TAF1: variants seen among roughly 807,000 people sequenced by gnomAD.
TAF1 encodes the protein TATA-box binding protein associated factor 1, also known as transcription initiation factor TFIID subunit 1.
In TAF1, 2 loss-of-function variants were observed where a neutral mutation model predicts 138.5. The ratio of observed to expected loss-of-function variants is 0.01; its 90% CI spans 0.01 to 0.05. The LOEUF (loss-of-function observed/expected upper bound fraction) is 0.05, where lower values mean the gene tolerates loss of function less well. TAF1 is among the 10% of genes least tolerant of loss of function. TAF1 has a pLI of 1.00. For synonymous variants in TAF1, 437 were observed against 503.2 expected (o/e 0.87, Z 1.76); for missense variants, 709 against 1,478.0 (o/e 0.48, Z 8.53).
chrX:71,368,944 G>A (rs1399817753), intron 3 of TAF1: 1 of 98,658 alleles, frequency 1.0e-5, no homozygotes, highest in Non-Finnish European at 2.0e-5. Flanking sequence ...TCCACCTCCC[G>A]GTTTGAAGCA....
chrX:71,454,343 CGTGTG>C, intron 33 of TAF1, 106 bp downstream of exon 33: 11 of 679,899 alleles, frequency 1.6e-5, no homozygotes, highest in South Asian at 3.0e-5. Context: ...ACAGCTGGGA[CGTGTG>C]GTCCCAGCTA....
intron 32 of TAF1, among the ~76,000 whole-genome samples, chrX:71,451,402 G>A (rs1025539547): frequency 3.2e-4 from 36 of 111,314 alleles, no homozygotes; most frequent in Middle Eastern, 4.8e-3. Context: ...ACTCTTGGCC[G>A]GCTATTTGAT....
intron 13 of TAF1, among the ~76,000 whole-genome samples, chrX:71,485,988 A>G (rs749259005): frequency 1.4e-4 from 15 of 108,868 alleles, no homozygotes; most frequent in African/African-American, 4.7e-4. Flanking sequence ...TTATTTATTT[A>G]TTTTTGAGAC....
At chrX:71,426,293 A>AT (rs1454156930) in intron 32 of TAF1, among the ~76,000 whole-genome samples, 1 of 111,423 alleles carries the variant, frequency 9.0e-6, no homozygotes, top group Non-Finnish European at 1.9e-5. Context: ...CATCCAGAAG[A>AT]GAGTTTTCTT....
intron 13 of TAF1, among the ~76,000 whole-genome samples, chrX:71,499,670 C>A (rs769379276): frequency 2.7e-5 from 3 of 111,491 alleles, no homozygotes; most frequent in Non-Finnish European, 3.8e-5. Flanking sequence ...TGATCTGAGT[C>A]TAGGTCCCAG....
intron 13 of TAF1, among the ~76,000 whole-genome samples, chrX:71,526,044 G>GC: frequency 9.0e-6 from 1 of 110,964 alleles, no homozygotes; most frequent in Non-Finnish European, 1.9e-5. Context: ...CTTTTTTTGT[G>GC]CAAAGTAGGG....
At chrX:71,438,418 C>G (rs770535645) in intron 32 of TAF1, among the ~76,000 whole-genome samples, 1 of 111,706 alleles carries the variant, frequency 9.0e-6, no homozygotes, top group African/African-American at 3.2e-5. Context: ...ACCATGTTTT[C>G]AAGGTTCATC....
At chrX:71,488,774 G>A (rs1018699974) in intron 13 of TAF1, among the ~76,000 whole-genome samples, 4 of 110,494 alleles carry the variant, frequency 3.6e-5, no homozygotes, top group Non-Finnish European at 7.6e-5. Context: ...GCACTCATAC[G>A]ACTCATCTTG....
In TAF1 at chrX:71,460,779, A is replaced by G; in HGVS notation, c.5375A>G (p.His1792Arg). Residue 1792 changes from histidine (H) to arginine (R), a missense_variant, in exon 37 of 38, where the codon CAT becomes CGT. Around this residue, in one of 14 missense-constraint regions of TAF1, gnomAD observed 123 missense variants for 174.7 expected, o/e 0.70. Transcript: ENST00000423759. Reference sequence around the variant, plus strand: ...GAGGGAGACGGTGGGGAGGCTTCCCATGGTTTGGAGGATAGCAACATCAGG... The same window carrying G: ...GAGGGAGACGGTGGGGAGGCTTCCCGTGGTTTGGAGGATAGCAACATCAGG... ...SYEGDGGEASHGLEDSNISYG... is the reference protein window; with the variant it reads ...SYEGDGGEASRGLEDSNISYG... 1 of 1,192,618 alleles carries G rather than the reference A, an allele frequency of 8.4e-7. No homozygotes were observed. The highest frequency in any genetic ancestry group is 1.8e-5 in the South Asian group (1 of 54,413).
chrX:71,408,887 G>T (rs993510290), intron 28 of TAF1, among the ~76,000 whole-genome samples: 1 of 109,503 alleles, frequency 9.1e-6, no homozygotes, highest in African/African-American at 3.3e-5. Flanking sequence ...AGTGGCGGGC[G>T]CCTGTAGTCC....
At chrX:71,399,762 G>A (rs1028261721) in intron 24 of TAF1, among the ~76,000 whole-genome samples, 42 of 106,323 alleles carry the variant, frequency 4.0e-4, no homozygotes, top group African/African-American at 1.4e-3. Flanking sequence ...ACAGAGTTTC[G>A]CTCTTGTTGC....
At chrX:71,374,605 C>T (rs1043491809) in intron 3 of TAF1, among the ~76,000 whole-genome samples, 1 of 110,579 alleles carries the variant, frequency 9.0e-6, no homozygotes, top group African/African-American at 3.3e-5. Context: ...TGCCACCACG[C>T]CTAGCTAATT....
intron 37 of TAF1, 54 bp from the exon 38 acceptor site, chrX:71,463,770 G>T: frequency 8.9e-7 from 1 of 1,128,402 alleles, no homozygotes; most frequent in South Asian, 1.9e-5. Flanking sequence ...GAATGGGAAT[G>T]GTCAGGTAGA....
chrX:71,371,549 A>G (rs1216438441), intron 3 of TAF1, among the ~76,000 whole-genome samples: 1 of 111,863 alleles, frequency 8.9e-6, no homozygotes, highest in East Asian at 2.8e-4. Flanking sequence ...AGGAGTAGAA[A>G]ACATGCTGCC....
intron 37 of TAF1, among the ~76,000 whole-genome samples, chrX:71,463,005 A>T (rs1437007161): frequency 8.9e-6 from 1 of 111,952 alleles, no homozygotes; most frequent in African/African-American, 3.2e-5. Context: ...GTGGAATACC[A>T]TGTAGCTATT....
At chrX:71,525,634 A>G (rs1602119829) in intron 13 of TAF1, among the ~76,000 whole-genome samples, 1 of 111,449 alleles carries the variant, frequency 9.0e-6, no homozygotes, top group East Asian at 2.8e-4. Context: ...CTTAGGTAAA[A>G]TAAAAATAAA....
intron 24 of TAF1, among the ~76,000 whole-genome samples, chrX:71,401,305 T>C (rs1171838461): frequency 9.0e-6 from 1 of 111,549 alleles, no homozygotes; most frequent in Non-Finnish European, 1.9e-5. Flanking sequence ...TTGAACTGCA[T>C]GGTTCCACTT....
intron 28 of TAF1, chrX:71,416,551 A>AT (rs1407217573): frequency 3.7e-6 from 1 of 267,713 alleles, no homozygotes; most frequent in Non-Finnish European, 6.9e-6. Context: ...CCAGAGCATA[A>AT]TTTAACTCTG....
At chrX:71,527,702 A>C (rs2040023931) in intron 13 of TAF1, 1 of 113,950 alleles carries the variant, frequency 8.8e-6, no homozygotes, top group East Asian at 2.8e-4. Context: ...TTTTACACAT[A>C]AAACTGAAAC....
Sources: allele counts gnomAD v4.1 joint callset (sites outside exome capture counted in the v4.1 genomes callset), GRCh38; gene constraint gnomAD v4.1.1; regional missense constraint gnomAD v4.1.1; transcripts MANE v1.5; gene names NCBI Gene and HGNC (gene_info 2026-07-23, HGNC 2026-07-21).